SPAG16: variants seen among roughly 807,000 people sequenced by gnomAD.
SPAG16 encodes sperm-associated antigen 16 protein.
SPAG16 carries 86 observed loss-of-function variants against 80.4 expected under a neutral mutation model. The observed-to-expected ratio is 1.07, with a 90% CI of 0.90 to 1.28. The LOEUF is 1.28. Ranked by LOEUF, SPAG16 falls within the 50% of genes most tolerant of loss-of-function variation. The probability of loss-of-function intolerance (pLI) is 0.00; values close to 1 mark genes in which losing one functional copy is unlikely to be tolerated. For synonymous variants in SPAG16, 294 were observed against 265.9 expected, an observed-to-expected ratio of 1.11 and a Z score of -1.03; for missense variants, 870 against 765.3, an observed-to-expected ratio of 1.14 and a Z score of -1.61.
chr2:213,742,219 CTTACAGATTG>C (rs1413092187), intron 10 of SPAG16, among the ~76,000 whole-genome samples: 3 of 151,676 alleles, frequency 2.0e-5, no homozygotes, highest in Non-Finnish European at 2.9e-5. Context: ...AATTTTGGAA[CTTACAGATTG>C]TTTACTAATT....
intron 10 of SPAG16, among the ~76,000 whole-genome samples, chr2:213,672,438 C>A (rs1044375106): frequency 1.3e-5 from 2 of 151,892 alleles, no homozygotes; most frequent in Non-Finnish European, 2.9e-5. Flanking sequence ...ACAAACAACC[C>A]TTCTCAGGTA....
intron 15 of SPAG16, among the ~76,000 whole-genome samples, chr2:214,262,122 T>C (rs1007119893): frequency 6.6e-6 from 1 of 152,120 alleles, no homozygotes; most frequent in Non-Finnish European, 1.5e-5. Flanking sequence ...TTTGTCATTA[T>C]TGTCCTTCTG....
chr2:214,298,131 C>CACACAT (rs1553548661), intron 15 of SPAG16, among the ~76,000 whole-genome samples: 2 of 144,404 alleles, frequency 1.4e-5, no homozygotes, highest in African/African-American at 2.5e-5. Flanking sequence ...CACACACACA[C>CACACAT]ACATACACAT....
In SPAG16 at chr2:213,862,498, C is replaced by A. The variant is rs1184619484; in HGVS notation, c.1084C>A (p.Pro362Thr). The change falls in exon 11 of 16, where the codon CCC (proline) becomes ACC (threonine). Residue 362 changes from proline (P) to threonine (T), a missense_variant. Pro to Thr is a conservative substitution (Grantham distance 38, BLOSUM62 -1). Coordinates refer to ENST00000331683, the MANE Select transcript of SPAG16 (RefSeq NM_024532.5). ...ELPVSCVSMQ[P>T]HKDILVSCGE... ...CTCCTCGCGCAGTGTCTCCATGCAA[C>A]CCCACAAAGACATCCTAGTCTCCTG... 1 of 1,613,944 alleles carries A rather than the reference C, an allele frequency of 6.2e-7. No homozygotes were observed. Among genetic ancestry groups the A allele is most frequent in the Admixed American group, 1.7e-5 (1 of 60,018 alleles).
At chr2:213,713,832 C>G (rs1276418361) in intron 10 of SPAG16, among the ~76,000 whole-genome samples, 1 of 152,122 alleles carries the variant, frequency 6.6e-6, no homozygotes, top group Non-Finnish European at 1.5e-5. Context: ...AAGCAATGAA[C>G]TTTAATTGAA....
chr2:213,880,749 A>C (rs1298415364), intron 11 of SPAG16, among the ~76,000 whole-genome samples: 2 of 152,066 alleles, frequency 1.3e-5, no homozygotes, highest in Non-Finnish European at 2.9e-5. Context: ...TCCCCATCGC[A>C]TATTTTTGTC....
At chr2:213,662,955 TTCAAGAATGTATAAGACATATTTCTTGAA>T (rs1431751962) in intron 10 of SPAG16, among the ~76,000 whole-genome samples, 4 of 152,162 alleles carry the variant, frequency 2.6e-5, no homozygotes, top group Non-Finnish European at 5.9e-5. Flanking sequence ...TGTAGATAGG[TTCAAGAATGTATAAGACATATTTCTTGAA>T]TTATGTAATT....
At chr2:213,591,151 TA>T (rs2060676492) in intron 10 of SPAG16, among the ~76,000 whole-genome samples, 1 of 152,222 alleles carries the variant, frequency 6.6e-6, no homozygotes, top group South Asian at 2.1e-4. Flanking sequence ...TTGCCATCTT[TA>T]TCTTCTAGGT....
In SPAG16 at chr2:214,108,230, A is replaced by T; in HGVS notation, c.1562A>T (p.His521Leu). 1 of 1,602,372 alleles carries T rather than the reference A, an allele frequency of 6.2e-7. No homozygotes were observed. Among genetic ancestry groups the T allele is most frequent in the Non-Finnish European group, 8.5e-7 (1 of 1,171,328 alleles). ...GAGCAGTCACTTTATGGTCACATGC[A>T]TTCTATCAATGATGCCATTTTTGAT... ...ICEQSLYGHM[H>L]SINDAIFDPR... Residue 521 changes from histidine to leucine, a missense_variant, in exon 14 of 16, where the codon CAT becomes CTT. By Grantham distance (99) the His-to-Leu change is moderately conservative. Coordinates refer to ENST00000331683, the MANE Select transcript of SPAG16 (RefSeq NM_024532.5).
chr2:213,433,031 G>T (rs1238728851), intron 9 of SPAG16, among the ~76,000 whole-genome samples: 2 of 152,134 alleles, frequency 1.3e-5, no homozygotes, highest in Non-Finnish European at 1.5e-5. Context: ...AATGCAGAAA[G>T]AAGCATTTGA....
At chr2:213,489,007 G>A (rs892371106) in intron 9 of SPAG16, among the ~76,000 whole-genome samples, 2 of 145,518 alleles carry the variant, frequency 1.4e-5, no homozygotes, top group South Asian at 4.5e-4. Context: ...TCCGGAAGGC[G>A]GAGGTTGCAG....
intron 15 of SPAG16, among the ~76,000 whole-genome samples, chr2:214,303,523 G>C (rs1274899023): frequency 2.0e-5 from 3 of 152,166 alleles, no homozygotes; most frequent in Non-Finnish European, 2.9e-5. Context: ...AATAGGTAAT[G>C]TGATGCTTCT....
chr2:214,054,451 T>A (rs2049828674), intron 13 of SPAG16, among the ~76,000 whole-genome samples: 1 of 152,218 alleles, frequency 6.6e-6, no homozygotes, highest in Admixed American at 6.5e-5. Context: ...AAACTGTTTT[T>A]TATAGAGCAG....
At chr2:213,600,525 C>G (rs560976231) in intron 10 of SPAG16, among the ~76,000 whole-genome samples, 82 of 152,190 alleles carry the variant, frequency 5.4e-4, no homozygotes, top group Non-Finnish European at 9.6e-4. Flanking sequence ...ATCTGCCTCA[C>G]CTGGCTAAAT....
At chr2:214,288,514 A>C (rs566717313) in intron 15 of SPAG16, among the ~76,000 whole-genome samples, 2 of 152,020 alleles carry the variant, frequency 1.3e-5, no homozygotes, top group Non-Finnish European at 2.9e-5. Flanking sequence ...TCTGTCTTCT[A>C]TAGTGGTTAT....
At chr2:213,324,118 A>G (rs997615898) in intron 5 of SPAG16, among the ~76,000 whole-genome samples, 1 of 148,562 alleles carries the variant, frequency 6.7e-6, no homozygotes, top group African/African-American at 2.5e-5. Context: ...GGTAGATCTC[A>G]TGTTACCTTC....
intron 15 of SPAG16, among the ~76,000 whole-genome samples, chr2:214,355,672 G>A (rs916857124): frequency 9.0e-4 from 136 of 151,286 alleles, no homozygotes; most frequent in African/African-American, 2.9e-3. Flanking sequence ...CCCATTACTG[G>A]GTATATACCC....
At chr2:214,294,441 A>G (rs574821170) in intron 15 of SPAG16, among the ~76,000 whole-genome samples, 5 of 152,304 alleles carry the variant, frequency 3.3e-5, no homozygotes, top group African/African-American at 7.2e-5. Flanking sequence ...CATTTGAACT[A>G]TGAATATCTA....
chr2:214,178,446 G>C (rs1317089782), intron 15 of SPAG16, among the ~76,000 whole-genome samples: 1 of 151,230 alleles, frequency 6.6e-6, no homozygotes, highest in African/African-American at 2.4e-5. Flanking sequence ...GGTTCAGCAC[G>C]CTTGTGCTGA....
Sources: gnomAD v4.1 joint callset for allele counts (sites outside exome capture counted in the v4.1 genomes callset) on GRCh38, gnomAD v4.1.1 for gene constraint, MANE v1.5 for transcripts, NCBI Gene and HGNC (gene_info 2026-07-23, HGNC 2026-07-21) for gene names.